The following NARS2 variants were observed in gnomAD, a reference collection of about 807,000 sequenced individuals.
The protein encoded by NARS2 is asparaginyl-tRNA synthetase 2, mitochondrial.
In NARS2, 60 loss-of-function variants were observed where a neutral mutation model predicts 62.9. That is an observed-to-expected ratio of 0.95 (90% CI 0.77 to 1.18). NARS2 has a LOEUF of 1.18. Among genes scored for constraint, NARS2 ranks in the 50% most tolerant of loss-of-function variants. The probability of loss-of-function intolerance (pLI) is 0.00; values close to 1 mark genes in which losing one functional copy is unlikely to be tolerated. For synonymous variants in NARS2, 196 were observed against 200.0 expected (o/e 0.98, Z 0.17); for missense variants, 619 against 576.4 (o/e 1.07, Z -0.76).
intron 6 of NARS2, among the ~76,000 whole-genome samples, chr11:78,505,269 T>TACACACACACACAC (rs10533814): frequency 5.2e-5 from 7 of 133,426 alleles, no homozygotes; most frequent in African/African-American, 1.5e-4. Flanking sequence ...GAAAACAAAA[T>TACACACACACACAC]ACACACACAC....
intron 11 of NARS2, among the ~76,000 whole-genome samples, chr11:78,456,597 C>T (rs1294463106): frequency 6.6e-6 from 1 of 152,224 alleles, no homozygotes; most frequent in Non-Finnish European, 1.5e-5. Flanking sequence ...GTTGACTTCA[C>T]AGTATGTACT....
chr11:78,499,208 G>A (rs529018788), intron 6 of NARS2, among the ~76,000 whole-genome samples: 98 of 152,214 alleles, frequency 6.4e-4, no homozygotes, highest in African/African-American at 2.1e-3. Context: ...GAGCCACCGC[G>A]CCCGGCCCAT....
At chr11:78,466,766 C>T (rs925900228) in intron 10 of NARS2, among the ~76,000 whole-genome samples, 17 of 152,172 alleles carry the variant, frequency 1.1e-4, no homozygotes, top group African/African-American at 3.9e-4. Context: ...CAGGTGTGAG[C>T]CACAGTGATG....
chr11:78,445,039 A>C (rs546022080), intron 11 of NARS2, among the ~76,000 whole-genome samples: 2 of 152,218 alleles, frequency 1.3e-5, no homozygotes, highest in African/African-American at 4.8e-5. Context: ...GTACATCAAC[A>C]GACTATTAGA....
chr11:78,555,945 G>T (rs116854223), intron 5 of NARS2, among the ~76,000 whole-genome samples: 1 of 151,982 alleles, frequency 6.6e-6, no homozygotes, highest in South Asian at 2.1e-4. Flanking sequence ...TTACCCAAAG[G>T]TTATTCAGGA....
intron 7 of NARS2, among the ~76,000 whole-genome samples, chr11:78,485,948 C>A (rs1307856465): frequency 2.0e-5 from 3 of 152,162 alleles, no homozygotes; most frequent in African/African-American, 7.2e-5. Context: ...GATCTCGGCT[C>A]ACTGCAATCT....
intron 5 of NARS2, among the ~76,000 whole-genome samples, chr11:78,548,413 A>G (rs1224058607): frequency 1.3e-5 from 2 of 152,194 alleles, no homozygotes; most frequent in African/African-American, 2.4e-5. Context: ...AGCACAACCA[A>G]AATGATGTGT....
chr11:78,555,741 T>G (rs1472705392), intron 5 of NARS2, among the ~76,000 whole-genome samples: 2 of 152,184 alleles, frequency 1.3e-5, no homozygotes, highest in Non-Finnish European at 2.9e-5. Context: ...TGATCTGTTC[T>G]TGCTTCTCTA....
rs985395135 is a variant in NARS2, at chr11:78,529,041, T to A, written c.595-105A>T. 2.3e-5 allele frequency: 17 copies of A among 740,076 alleles called. No individual in the cohort carries two copies. In the African/African-American group the frequency reaches 2.5e-4, roughly 11 times the overall value. The allele number at this position is 740,076 out of a possible 1,614,324, so 45.8% of individuals were successfully genotyped here. Reference sequence around the variant, plus strand: ...AAAAATCACAATGCAATTAAATCTATGTGAAGGCAGGTTGTTCTCAGGAAA... The same window carrying A: ...AAAAATCACAATGCAATTAAATCTAAGTGAAGGCAGGTTGTTCTCAGGAAA... On this transcript the variant is annotated intron_variant, in intron 5 of 13. Coordinates refer to ENST00000281038, the MANE Select transcript of NARS2 (RefSeq NM_024678.6).
intron 5 of NARS2, among the ~76,000 whole-genome samples, chr11:78,531,218 G>A (rs1861466276): frequency 6.6e-6 from 1 of 151,562 alleles, no homozygotes; most frequent in Non-Finnish European, 1.5e-5. Flanking sequence ...CAAATGCTGA[G>A]CCAAAAAAAA....
chr11:78,568,799 C>T, intron 2 of NARS2, 47 bp from the exon 3 acceptor site: 3 of 1,433,444 alleles, frequency 2.1e-6, no homozygotes, highest in Non-Finnish European at 2.9e-6. Context: ...TATATACAAC[C>T]TTCATTTTAA....
chr11:78,439,625 T>G (rs959357743), intron 13 of NARS2, among the ~76,000 whole-genome samples: 1 of 152,152 alleles, frequency 6.6e-6, no homozygotes, highest in Non-Finnish European at 1.5e-5. Flanking sequence ...TAAATATGCC[T>G]AAGGTCATTA....
In NARS2 at chr11:78,478,699, T is replaced by C. The variant is rs747461067; in HGVS notation, c.823-16A>G. ...CCTCTATAACCTAAGAGAAATGAAA[T>C]AGAATCACCTGACACGTAAGCAATT... On this transcript the variant is annotated splice_polypyrimidine_tract_variant and intron_variant, in intron 7 of 13. Transcript: ENST00000281038. 5 of 1,524,740 alleles carry C rather than the reference T, an allele frequency of 3.3e-6. No individual in the cohort carries two copies. Among genetic ancestry groups the C allele is most frequent in the Non-Finnish European group, 4.5e-6 (5 of 1,111,494 alleles). The allele number at this position is 1,524,740 out of a possible 1,614,324, so 94.5% of individuals were successfully genotyped here.
chr11:78,532,538 T>C (rs1008635680), intron 5 of NARS2, among the ~76,000 whole-genome samples: 2 of 152,242 alleles, frequency 1.3e-5, no homozygotes, highest in African/African-American at 4.8e-5. Context: ...AAACTTTAAA[T>C]TACTCTGAGC....
intron 6 of NARS2, among the ~76,000 whole-genome samples, chr11:78,514,660 A>G (rs1473830585): frequency 1.3e-5 from 2 of 152,220 alleles, no homozygotes; most frequent in African/African-American, 4.8e-5. Flanking sequence ...TCAGTGAATT[A>G]GGTAACAGAA....
intron 9 of NARS2, among the ~76,000 whole-genome samples, chr11:78,470,400 C>T (rs748903320): frequency 4.6e-5 from 7 of 152,134 alleles, no homozygotes; most frequent in Non-Finnish European, 1.0e-4. Context: ...CACACAATCA[C>T]TGTTATTGGT....
At chr11:78,461,070 T>C (rs1858375495) in intron 11 of NARS2, among the ~76,000 whole-genome samples, 1 of 152,214 alleles carries the variant, frequency 6.6e-6, no homozygotes, top group African/African-American at 2.4e-5. Flanking sequence ...GACTCATTAG[T>C]ATCCTCGAAT....
chr11:78,526,813 C>A (rs974635012), intron 6 of NARS2, among the ~76,000 whole-genome samples: 2 of 152,010 alleles, frequency 1.3e-5, no homozygotes, highest in East Asian at 3.9e-4. Context: ...GGATGAGACA[C>A]CTTGCTTCTA....
chr11:78,478,615 G>C lies in NARS2; in HGVS notation c.891C>G (p.Leu297=), dbSNP rs1859212387. 1 of 1,611,316 alleles carries C rather than the reference G, an allele frequency of 6.2e-7. No individual in the cohort carries two copies. The highest frequency in any genetic ancestry group is 1.1e-5 in the South Asian group (1 of 90,830). The change falls in exon 8 of 14, where the codon CTC becomes CTG. Residue 297 remains leucine (L), a synonymous_variant. Coordinates refer to ENST00000281038, the MANE Select transcript of NARS2 (RefSeq NM_024678.6). ...VLSKCPEDVE[L]CHKFIAPGQK... ...GGCCAGGTGCTATGAATTTGTGACA[G>C]AGTTCAACATCTTCAGGACATTTTG...
Sources: gnomAD v4.1 joint callset for allele counts (sites outside exome capture counted in the v4.1 genomes callset) on GRCh38, gnomAD v4.1.1 for gene constraint, MANE v1.5 for transcripts, NCBI Gene and HGNC (gene_info 2026-07-23, HGNC 2026-07-21) for gene names.